B4GALNT3: variants seen among roughly 807,000 people sequenced by gnomAD.
B4GALNT3 encodes beta-1,4-N-acetylgalactosaminyltransferase 3.
In B4GALNT3, 86 loss-of-function variants were observed where a neutral mutation model predicts 120.2. The observed-to-expected ratio is 0.72, with a 90% CI of 0.60 to 0.86. B4GALNT3 has a LOEUF of 0.86. Among genes scored for constraint, B4GALNT3 ranks in the 40% least tolerant of loss-of-function variants. The pLI, the probability that B4GALNT3 is intolerant of heterozygous loss-of-function variation, is 0.00. For missense variants in B4GALNT3, 1,167 were observed against 1,298.9 expected, an observed-to-expected ratio of 0.90 and a Z score of 1.56; for synonymous variants, 518 against 510.4, an observed-to-expected ratio of 1.01 and a Z score of -0.20.
At chr12:526,225 A>G (rs934107619) in intron 1 of B4GALNT3, among the ~76,000 whole-genome samples, 97 of 152,180 alleles carry the variant, frequency 6.4e-4, no homozygotes, top group African/African-American at 2.0e-3. Flanking sequence ...ACAGCACACA[A>G]CAGGTGCTCA....
chr12:503,205 G>A (rs1221032422), intron 1 of B4GALNT3, among the ~76,000 whole-genome samples: 2 of 152,230 alleles, frequency 1.3e-5, no homozygotes, highest in African/African-American at 2.4e-5. Flanking sequence ...GTGAGCGTGT[G>A]CGCAGTGACT....
intron 1 of B4GALNT3, among the ~76,000 whole-genome samples, chr12:510,856 A>G (rs1394742102): frequency 6.6e-6 from 1 of 151,958 alleles, no homozygotes; most frequent in African/African-American, 2.4e-5. Flanking sequence ...TGGTGCTGGT[A>G]TATCCACAGG....
intron 16 of B4GALNT3, 117 bp from the exon 17 acceptor site, chr12:557,899 C>A: frequency 1.4e-6 from 2 of 1,465,798 alleles, no homozygotes; most frequent in Non-Finnish European, 1.9e-6. Context: ...AGAGGGCTCA[C>A]CTGCCCATAA....
chr12:558,602 T>C lies in B4GALNT3; in HGVS notation c.2702T>C (p.Met901Thr), dbSNP rs1947188068. 2 of 1,613,822 alleles carry C rather than the reference T, an allele frequency of 1.2e-6. No homozygotes were observed. The highest frequency in any genetic ancestry group is 1.7e-5 in the Admixed American group (1 of 59,980). The change falls in exon 18 of 20, where the codon ATG becomes ACG. Residue 901 changes from methionine to threonine, a missense_variant. Physicochemically the swap from Met to Thr is moderately conservative, Grantham distance 81. Around this residue, in one of 3 missense-constraint regions of B4GALNT3, gnomAD observed 983 missense variants for 1,102.5 expected, o/e 0.89. Transcript: ENST00000266383. ...AIRKHCVEGK[M>T]AFAPMVMRLH... ...CGGAAGCACTGTGTGGAGGGAAAGATGGCCTTTGCCCCCATGGTGATGAGG... is the reference window on the plus strand; with the variant it reads ...CGGAAGCACTGTGTGGAGGGAAAGACGGCCTTTGCCCCCATGGTGATGAGG...
chr12:478,512 T>C (rs1946206325), intron 1 of B4GALNT3, among the ~76,000 whole-genome samples: 1 of 152,070 alleles, frequency 6.6e-6, no homozygotes, highest in Non-Finnish European at 1.5e-5. Context: ...GAAAAAGAAA[T>C]GGGCAAAAAC....
At chr12:530,522 G>C (rs909336414) in intron 1 of B4GALNT3, among the ~76,000 whole-genome samples, 5 of 152,200 alleles carry the variant, frequency 3.3e-5, no homozygotes, top group African/African-American at 1.2e-4. Context: ...TTCCAGATCT[G>C]CAGCATCATG....
At chr12:543,069 A>G (rs1167967139) in intron 3 of B4GALNT3, 21 of 1,260,436 alleles carry the variant, frequency 1.7e-5, no homozygotes, top group Non-Finnish European at 2.1e-5. Context: ...TGTCACAACC[A>G]TTGTCCCCGT....
chr12:552,336 C>T (rs1480658526), intron 12 of B4GALNT3, 131 bp from the exon 13 acceptor site: 11 of 928,576 alleles, frequency 1.2e-5, no homozygotes, highest in Non-Finnish European at 1.9e-5. Context: ...CACACACACA[C>T]CCGCTCACCA....
intron 1 of B4GALNT3, among the ~76,000 whole-genome samples, chr12:510,491 G>C (rs977987948): frequency 4.7e-5 from 7 of 148,008 alleles, no homozygotes; most frequent in Non-Finnish European, 9.1e-5. Flanking sequence ...TGGCTGGGCT[G>C]GGAGGGAAAC....
intron 1 of B4GALNT3, among the ~76,000 whole-genome samples, chr12:465,361 C>T (rs989388286): frequency 6.6e-6 from 1 of 152,124 alleles, no homozygotes; most frequent in African/African-American, 2.4e-5. Flanking sequence ...CTCTGAATTT[C>T]CAAGCACCTG....
chr12:481,531 G>C (rs1039932748), intron 1 of B4GALNT3, among the ~76,000 whole-genome samples: 1 of 152,240 alleles, frequency 6.6e-6, no homozygotes, highest in African/African-American at 2.4e-5. Context: ...ACTTTGCTCT[G>C]TGCTGCCTTC....
intron 1 of B4GALNT3, among the ~76,000 whole-genome samples, chr12:487,255 A>C (rs1946298639): frequency 6.6e-6 from 1 of 152,246 alleles, no homozygotes; most frequent in Non-Finnish European, 1.5e-5. Flanking sequence ...AAACAGAAGC[A>C]ATATTTGAAA....
chr12:478,586 G>T (rs929835905), intron 1 of B4GALNT3, among the ~76,000 whole-genome samples: 6 of 152,192 alleles, frequency 3.9e-5, no homozygotes, highest in Non-Finnish European at 8.8e-5. Context: ...TATAGAAATT[G>T]GTTGTGATAT....
chr12:560,918 C>CCT (rs1441515671), intron 19 of B4GALNT3, among the ~76,000 whole-genome samples: 1 of 151,938 alleles, frequency 6.6e-6, no homozygotes, highest in East Asian at 1.9e-4. Flanking sequence ...GCCCTGCCTT[C>CCT]CTCCGTCTAT....
intron 3 of B4GALNT3, among the ~76,000 whole-genome samples, chr12:541,368 C>G (rs1358731128): frequency 6.6e-6 from 1 of 152,248 alleles, no homozygotes. Context: ...AGTTTCAAAA[C>G]CACCATTGGC....
intron 1 of B4GALNT3, among the ~76,000 whole-genome samples, chr12:474,248 G>T (rs1946162634): frequency 6.6e-6 from 1 of 152,314 alleles, no homozygotes; most frequent in Middle Eastern, 3.4e-3. Flanking sequence ...AATGATCGTG[G>T]CTTTCTTCTT....
rs201838851 is a variant in B4GALNT3 at position 559,274 on chromosome 12, G to A, written c.2762-21G>A. The A allele has an allele frequency of 1.7e-5, 28 of 1,613,622 alleles. No homozygotes were observed. In the East Asian group the frequency reaches 2.7e-4, roughly 15 times the overall value. ...TCCTGGCCTCTGGCTCATCTCACCC[G>A]AAGCTCCTGTCTGTCCACAGGCTAC... On this transcript the variant is annotated intron_variant, in intron 18 of 19. Transcript: ENST00000266383.
chr12:473,505 G>T (rs1185006134), intron 1 of B4GALNT3, among the ~76,000 whole-genome samples: 1 of 152,166 alleles, frequency 6.6e-6, no homozygotes, highest in African/African-American at 2.4e-5. Flanking sequence ...CCAAAGTTGT[G>T]GGTTTCATAC....
At chr12:554,507 C>A (rs1265468814) in intron 14 of B4GALNT3, among the ~76,000 whole-genome samples, 1 of 152,146 alleles carries the variant, frequency 6.6e-6, no homozygotes, top group Non-Finnish European at 1.5e-5. Context: ...AGTATATTTA[C>A]AGGCTGGGCG....
Sources: allele counts gnomAD v4.1 joint callset (sites outside exome capture counted in the v4.1 genomes callset), GRCh38; gene constraint gnomAD v4.1.1; regional missense constraint gnomAD v4.1.1; transcripts MANE v1.5; gene names NCBI Gene and HGNC (gene_info 2026-07-23, HGNC 2026-07-21).